Variants in SLC9A3 observed in about 807,000 individuals in gnomAD.
The protein encoded by SLC9A3 is sodium/hydrogen exchanger 3.
A neutral mutation model predicts 86.8 loss-of-function variants in SLC9A3; 37 were observed. The observed-to-expected ratio is 0.43, with a 90% CI of 0.33 to 0.56. The LOEUF is 0.56. Among genes scored for constraint, SLC9A3 ranks in the 20% least tolerant of loss-of-function variants. SLC9A3 has a pLI of 0.06. For synonymous variants in SLC9A3, 581 were observed against 528.3 expected (o/e 1.10, Z -1.37); for missense variants, 1,011 against 1,171.9 (o/e 0.86, Z 2.00).
chr5:504,781 G>A (rs1010449772), intron 1 of SLC9A3, among the ~76,000 whole-genome samples: 4 of 152,208 alleles, frequency 2.6e-5, no homozygotes, highest in Non-Finnish European at 5.9e-5. Flanking sequence ...GCCGGCCACC[G>A]ACATGGCCCC....
intron 5 of SLC9A3, among the ~76,000 whole-genome samples, chr5:484,155 G>A (rs1249805769): frequency 1.1e-5 from 1 of 90,694 alleles, no homozygotes; most frequent in East Asian, 3.6e-4. Flanking sequence ...TCGCCCCGCC[G>A]GACCCAGGAG....
chr5:499,511 GC>G (rs1360986683), intron 1 of SLC9A3, among the ~76,000 whole-genome samples: 1 of 152,236 alleles, frequency 6.6e-6, no homozygotes, highest in African/African-American at 2.4e-5. Context: ...CTTACTTACT[GC>G]CACAATCTGC....
intron 1 of SLC9A3, among the ~76,000 whole-genome samples, chr5:523,381 G>A (rs922654619): frequency 6.6e-6 from 1 of 151,938 alleles, no homozygotes; most frequent in Non-Finnish European, 1.5e-5. Context: ...GCTTCTCCTG[G>A]CCCCACTCGG....
intron 1 of SLC9A3, among the ~76,000 whole-genome samples, chr5:507,186 T>TTTTTTTTTTTTTTTTTTTTTTGG (rs1242074998): frequency 9.4e-6 from 1 of 106,874 alleles, no homozygotes. Flanking sequence ...TTTTTTTTTT[T>TTTTTTTTTTTTTTTTTTTTTTGG]GAGACGGAGT....
intron 1 of SLC9A3, among the ~76,000 whole-genome samples, chr5:507,325 G>C (rs1369335410): frequency 7.6e-6 from 1 of 131,940 alleles, no homozygotes. Context: ...CCGCCACCAC[G>C]CCCAGCTAAT....
At chr5:512,698 T>A (rs1733593434) in intron 1 of SLC9A3, among the ~76,000 whole-genome samples, 1 of 152,050 alleles carries the variant, frequency 6.6e-6, no homozygotes, top group Non-Finnish European at 1.5e-5. Flanking sequence ...TAAGAAAGGG[T>A]GTCCCCGAAG....
In SLC9A3 at chr5:472,722, C is replaced by A. The variant is rs913423317; in HGVS notation, c.*657G>T. The A allele has an allele frequency of 5.3e-6, 3 of 567,048 alleles. No individual in the cohort carries two copies. The highest frequency in any genetic ancestry group is 1.0e-5 in the Non-Finnish European group (3 of 298,374). The allele number at this position is 567,048 out of a possible 1,614,324, so 35.1% of individuals were successfully genotyped here. ...GCGAGGGCCTGGAAACGGCGCTCGG[C>A]CCAGGCCGCTTGCGGGCGCTGGGCC... On this transcript the variant is annotated 3_prime_UTR_variant, in exon 17 of 17. Transcript: ENST00000264938.
Position 471,616 on chromosome 5 carries a change from G to A in SLC9A3, c.*1763C>T, listed in dbSNP as rs755183251. ...GGCTGGCCTTGGATCTGTCCAGTAGGGTCACTGACTGGGCAGGGCTTGCTG... is the reference window on the plus strand; with the variant it reads ...GGCTGGCCTTGGATCTGTCCAGTAGAGTCACTGACTGGGCAGGGCTTGCTG... On this transcript the variant is annotated 3_prime_UTR_variant, in exon 17 of 17. Transcript: ENST00000264938. The A allele has an allele frequency of 7.9e-6, 3 of 381,804 alleles. No individual in the cohort carries two copies. The highest frequency in any genetic ancestry group is 1.6e-5 in the Non-Finnish European group (3 of 192,510). The allele number at this position is 381,804 out of a possible 1,614,324, so 23.7% of individuals were successfully genotyped here.
chr5:524,040 A>G (rs1490998655), intron 1 of SLC9A3, 72 bp downstream of exon 1: 10 of 1,074,298 alleles, frequency 9.3e-6, no homozygotes, highest in East Asian at 3.3e-5. Flanking sequence ...CGCGGCCACA[A>G]CGAAGCCCCC....
intron 1 of SLC9A3, among the ~76,000 whole-genome samples, chr5:492,719 C>CA (rs1739842437): frequency 1.3e-5 from 2 of 152,142 alleles, no homozygotes; most frequent in African/African-American, 4.8e-5. Context: ...CCCGGACCCC[C>CA]AACTCGCTCT....
At position 492,031 on chromosome 5, in the gene SLC9A3, C is replaced by T. The variant is rs1376726527; in HGVS notation, c.252G>A (p.Glu84=). The T allele has an allele frequency of 1.9e-6, 3 of 1,552,214 alleles. No individual in the cohort carries two copies. In the African/African-American group the frequency reaches 4.3e-5, roughly 22 times the overall value. Reference sequence around the variant, plus strand: ...GGCCCAGCACGATGAGCAGGGCGCTCTCGGGAACCACGCTGGTGACCTTGT... The same window carrying T: ...GGCCCAGCACGATGAGCAGGGCGCTTTCGGGAACCACGCTGGTGACCTTGT... ...LSHKVTSVVP[E]SALLIVLGLV... Residue 84 remains glutamate, a synonymous_variant, in exon 2 of 17, where the codon GAG becomes GAA. Transcript: ENST00000264938.
At chr5:522,131 G>A (rs900255856) in intron 1 of SLC9A3, among the ~76,000 whole-genome samples, 8 of 152,158 alleles carry the variant, frequency 5.3e-5, no homozygotes, top group African/African-American at 4.8e-5. Context: ...TTCCCAGGTG[G>A]AGCCAACAAT....
intron 1 of SLC9A3, among the ~76,000 whole-genome samples, chr5:523,779 C>T (rs1424640537): frequency 3.9e-5 from 6 of 152,216 alleles, no homozygotes; most frequent in African/African-American, 1.4e-4. Context: ...GAAGGAAACC[C>T]GGCCCCGGGG....
rs761243160 is a variant in SLC9A3, at chr5:484,578, T to G, written c.874A>C (p.Ile292Leu). Residue 292 changes from isoleucine to leucine, a missense_variant, in exon 5 of 17, where the codon ATC becomes CTC. Coordinates refer to ENST00000264938, the MANE Select transcript of SLC9A3 (RefSeq NM_004174.4). ...GTCAGGTAGGACAGGTAGGAGATGA[T>G]GAACACGAAGCCGGGCTCGATGATA... ...VRIIEPGFVF[I>L]ISYLSYLTSE... 1.9e-6 allele frequency: 3 copies of G among 1,613,168 alleles called. No homozygotes were observed. The highest frequency in any genetic ancestry group is 3.3e-5 in the Admixed American group (2 of 60,028).
At chr5:513,204 G>A (rs1022313103) in intron 1 of SLC9A3, among the ~76,000 whole-genome samples, 2 of 152,162 alleles carry the variant, frequency 1.3e-5, no homozygotes, top group Non-Finnish European at 2.9e-5. Context: ...AGCCAGGGGT[G>A]CTTTTGGAAC....
chr5:518,021 TCATC>T (rs1560977685), intron 1 of SLC9A3, among the ~76,000 whole-genome samples: 1 of 151,504 alleles, frequency 6.6e-6, no homozygotes, highest in Non-Finnish European at 1.5e-5. Context: ...ATCTATTCAC[TCATC>T]CATCCATCCA....
Position 473,265 on chromosome 5 carries a change from C to G in SLC9A3, c.*114G>C, listed in dbSNP as rs1049414400. 2 of 1,144,032 alleles carry G rather than the reference C, an allele frequency of 1.7e-6. No individual in the cohort carries two copies. Among genetic ancestry groups the G allele is most frequent in the African/African-American group, 1.7e-5 (1 of 57,850 alleles). The allele number at this position is 1,144,032 out of a possible 1,614,324, so 70.9% of individuals were successfully genotyped here. ...CGTGGGCGAGGCGGGGCTCGGGGCT[C>G]GCGGTCGCTGTAGCCGCGCGGGGAT... On this transcript the variant is annotated 3_prime_UTR_variant, in exon 17 of 17. Coordinates refer to ENST00000264938, the MANE Select transcript of SLC9A3 (RefSeq NM_004174.4).
chr5:473,497 G>T, intron 16 of SLC9A3, 115 bp from the exon 17 acceptor site: 1 of 904,474 alleles, frequency 1.1e-6, no homozygotes, highest in Non-Finnish European at 1.5e-6. Context: ...CCCTCCCGCG[G>T]CGCACCCCAG....
In SLC9A3 at chr5:476,006, G is replaced by T; in HGVS notation, c.2140+14C>A. Reference sequence around the variant, plus strand: ...GCTCCCAGTCCCAGCGTTCCTGCAGGGCCCCCAGCGCACCTTTCTCCTTGA... The same window carrying T: ...GCTCCCAGTCCCAGCGTTCCTGCAGTGCCCCCAGCGCACCTTTCTCCTTGA... On this transcript the variant is annotated intron_variant, in intron 14 of 16. Transcript: ENST00000264938. 1 of 1,599,372 alleles carries T rather than the reference G, an allele frequency of 6.3e-7. No individual in the cohort carries two copies. Among genetic ancestry groups the T allele is most frequent in the Non-Finnish European group, 8.5e-7 (1 of 1,172,444 alleles).
Sources: gnomAD v4.1 joint callset for allele counts (sites outside exome capture counted in the v4.1 genomes callset) on GRCh38, gnomAD v4.1.1 for gene constraint, MANE v1.5 for transcripts, NCBI Gene and HGNC (gene_info 2026-07-23, HGNC 2026-07-21) for gene names.